The following PCNX1 variants were observed in gnomAD, a reference collection of about 807,000 sequenced individuals.
The protein encoded by PCNX1 is pecanex-like protein 1.
Under a neutral mutation model 242.2 loss-of-function variants are expected in PCNX1, and 78 were observed. The observed-to-expected ratio is 0.32, with a 90% CI of 0.27 to 0.39. The LOEUF is 0.39. PCNX1 is among the 10% of genes least tolerant of loss of function. The probability of loss-of-function intolerance (pLI) is 1.00; values close to 1 mark genes in which losing one functional copy is unlikely to be tolerated. For synonymous variants in PCNX1, 1,024 were observed against 1,032.9 expected (o/e 0.99, Z 0.17); for missense variants, 2,581 against 2,856.5 (o/e 0.90, Z 2.20).
chr14:70,943,072 T>G (rs1455738535), intron 1 of PCNX1: 1 of 153,560 alleles, frequency 6.5e-6, no homozygotes, highest in Non-Finnish European at 1.4e-5. Context: ...TGCAGAAATG[T>G]GAGTCAATTA....
intron 6 of PCNX1, among the ~76,000 whole-genome samples, chr14:70,980,401 T>A (rs2058804578): frequency 6.6e-6 from 1 of 152,156 alleles, no homozygotes; most frequent in Non-Finnish European, 1.5e-5. Context: ...TAAATGTTAA[T>A]AAGAGATAAT....
At chr14:70,934,960 G>C (rs2056942687) in intron 1 of PCNX1, among the ~76,000 whole-genome samples, 1 of 150,156 alleles carries the variant, frequency 6.7e-6, no homozygotes, top group African/African-American at 2.5e-5. Context: ...TCCAAGTAGA[G>C]TAGAGAATAA....
chr14:70,974,242 T>G (rs1407135249), intron 5 of PCNX1, among the ~76,000 whole-genome samples: 1 of 148,486 alleles, frequency 6.7e-6, no homozygotes, highest in African/African-American at 2.5e-5. Context: ...GTTTTTTTTG[T>G]TGTTTTTTTT....
At chr14:70,948,841 ATGTATG>A (rs1566606589) in intron 2 of PCNX1, among the ~76,000 whole-genome samples, 1 of 148,252 alleles carries the variant, frequency 6.7e-6, no homozygotes, top group African/African-American at 2.5e-5. Context: ...TATAAATAAA[ATGTATG>A]TGTGTATATA....
At chr14:71,030,065 G>A (rs769387659) in intron 16 of PCNX1, among the ~76,000 whole-genome samples, 10 of 152,122 alleles carry the variant, frequency 6.6e-5, no homozygotes, top group Non-Finnish European at 8.8e-5. Flanking sequence ...TTCCAAAGTC[G>A]TTGTGCTGGA....
intron 8 of PCNX1, among the ~76,000 whole-genome samples, chr14:70,997,276 T>C (rs1302874596): frequency 3.9e-5 from 6 of 152,146 alleles, no homozygotes; most frequent in African/African-American, 1.4e-4. Context: ...TCTGCAGATA[T>C]AAAATTACAG....
intron 6 of PCNX1, among the ~76,000 whole-genome samples, chr14:70,979,871 T>C (rs967384346): frequency 6.6e-5 from 10 of 152,042 alleles, no homozygotes; most frequent in Non-Finnish European, 1.5e-4. Context: ...ACCTAAATAT[T>C]GAGAACTAAT....
At chr14:71,051,821 G>T in intron 23 of PCNX1, 62 bp from the exon 24 acceptor site, 2 of 1,540,764 alleles carry the variant, frequency 1.3e-6, no homozygotes, top group South Asian at 1.2e-5. Context: ...AGGTTTTTGC[G>T]AGGGTTTGTT....
intron 28 of PCNX1, among the ~76,000 whole-genome samples, chr14:71,081,850 A>G (rs756956714): frequency 3.9e-5 from 6 of 151,968 alleles, no homozygotes; most frequent in African/African-American, 4.8e-5. Flanking sequence ...TTGTATCTCT[A>G]TCTCCTTCAG....
intron 2 of PCNX1, among the ~76,000 whole-genome samples, chr14:70,959,152 T>C (rs966251220): frequency 9.2e-5 from 14 of 151,564 alleles, no homozygotes; most frequent in Non-Finnish European, 1.6e-4. Context: ...AGGAACCTTA[T>C]GTAGCATTTT....
At position 70,935,266 on chromosome 14, in the gene PCNX1, G is replaced by C. The variant is rs74061493; in HGVS notation, c.154-11649G>C. ...AGTGCTCTTAAAAAAGAAATTCTGAGCTGGGCACAGTGTCTCATGCCTGTA... is the reference window on the plus strand; with the variant it reads ...AGTGCTCTTAAAAAAGAAATTCTGACCTGGGCACAGTGTCTCATGCCTGTA... On this transcript the variant is annotated intron_variant, in intron 1 of 35. Coordinates refer to ENST00000304743, the MANE Select transcript of PCNX1 (RefSeq NM_014982.3). Among the ~76,000 whole-genome samples, 1,315 of 152,276 alleles carry C rather than the reference G, an allele frequency of 8.6e-3. 26 individuals carry two copies. Among genetic ancestry groups the C allele is most frequent in the African/African-American group, 0.03 (1,240 of 41,538 alleles).
chr14:71,026,200 C>G lies in PCNX1; in HGVS notation c.3267C>G (p.Ser1089Arg). 6.2e-7 allele frequency: 1 copy of G among 1,611,310 alleles called. No homozygotes were observed. Among genetic ancestry groups the G allele is most frequent in the East Asian group, 2.2e-5 (1 of 44,792 alleles). ...TTATTTGGCTCTTGGATTATGGTAG[C>G]AGAAACCTGACTGCAACCAAGTTCA... ...CGLIWLLDYG[S>R]RNLTATKFKL... Residue 1089 changes from serine to arginine, a missense_variant, in exon 14 of 36, where the codon AGC becomes AGG. Around this residue, in one of 9 missense-constraint regions of PCNX1, gnomAD observed 432 missense variants for 443.1 expected, o/e 0.97. Coordinates refer to ENST00000304743, the MANE Select transcript of PCNX1 (RefSeq NM_014982.3).
intron 2 of PCNX1, among the ~76,000 whole-genome samples, chr14:70,958,991 T>C (rs896326578): frequency 7.7e-6 from 1 of 130,472 alleles, no homozygotes; most frequent in Non-Finnish European, 1.6e-5. Flanking sequence ...CCAACACATA[T>C]ATTGTAACTT....
chr14:71,066,982 T>C (rs1277815430), intron 26 of PCNX1, among the ~76,000 whole-genome samples: 1 of 152,170 alleles, frequency 6.6e-6, no homozygotes, highest in African/African-American at 2.4e-5. Context: ...GTGAATAAGC[T>C]TTTTGATGTG....
intron 19 of PCNX1, among the ~76,000 whole-genome samples, chr14:71,036,515 T>TA (rs2060537930): frequency 6.6e-6 from 1 of 152,162 alleles, no homozygotes; most frequent in Admixed American, 6.5e-5. Flanking sequence ...GCCATTGTGT[T>TA]ACAGTTGCCT....
At chr14:70,963,968 C>G (rs1237734081) in intron 3 of PCNX1, among the ~76,000 whole-genome samples, 1 of 152,144 alleles carries the variant, frequency 6.6e-6, no homozygotes, top group African/African-American at 2.4e-5. Flanking sequence ...TATCTTCCTT[C>G]CATAACAAGC....
At chr14:70,938,167 G>A (rs1476121355) in intron 1 of PCNX1, among the ~76,000 whole-genome samples, 1 of 152,128 alleles carries the variant, frequency 6.6e-6, no homozygotes, top group Admixed American at 6.5e-5. Flanking sequence ...CCAACACTAT[G>A]TTGAATAGGA....
intron 6 of PCNX1, among the ~76,000 whole-genome samples, chr14:70,982,477 C>A (rs1009287121): frequency 3.1e-4 from 47 of 152,092 alleles, no homozygotes; most frequent in African/African-American, 9.2e-4. Flanking sequence ...TCAAAGACAT[C>A]ATAATAGCAT....
Position 71,057,702 on chromosome 14 carries a change from G to T in PCNX1, c.4830G>T (p.Gln1610His), listed in dbSNP as rs1205805944. Residue 1610 changes from glutamine to histidine, a missense_variant, in exon 26 of 36, where the codon CAG becomes CAT. Transcript: ENST00000304743. The part of the protein sequence containing the change: ...IEIGNGLVTF[Q>H]LRGLEFRGTY... The stretch of plus-strand genomic sequence containing the variant: ...TAGGCAATGGTCTGGTCACTTTTCA[G>T]CTGCGGGGACTTGAATTCAGAGGTA... 6.2e-7 allele frequency: 1 copy of T among 1,613,270 alleles called. No homozygotes were observed. Among genetic ancestry groups the T allele is most frequent in the Admixed American group, 1.7e-5 (1 of 59,992 alleles).
Sources: gnomAD v4.1 joint callset for allele counts (sites outside exome capture counted in the v4.1 genomes callset) on GRCh38, gnomAD v4.1.1 for gene constraint, gnomAD v4.1.1 regional missense constraint, MANE v1.5 for transcripts, NCBI Gene and HGNC (gene_info 2026-07-23, HGNC 2026-07-21) for gene names.